SUCLG2: variants seen among roughly 807,000 people sequenced by gnomAD.
The protein encoded by SUCLG2 is succinate--CoA ligase [GDP-forming] subunit beta, mitochondrial.
Under a neutral mutation model 47.9 loss-of-function variants are expected in SUCLG2, and 42 were observed. That is an observed-to-expected ratio of 0.88 (90% confidence interval 0.69 to 1.14). SUCLG2 has a LOEUF of 1.14. Ranked by LOEUF, SUCLG2 falls within the 50% of genes most tolerant of loss-of-function variation. SUCLG2 has a pLI of 0.00. For missense variants in SUCLG2, 571 were observed against 525.9 expected, an observed-to-expected ratio of 1.09 and a Z score of -0.84; for synonymous variants, 195 against 197.3, an observed-to-expected ratio of 0.99 and a Z score of 0.10.
In SUCLG2 at chr3:67,498,126, C is replaced by T; in HGVS notation, c.919+8G>A. ...ACAAAGCATTCTTTTGATATAACTG[C>T]TTCTTACCAAAGCAGGCAATGTTCC... On this transcript the variant is annotated splice_region_variant and intron_variant, in intron 8 of 10. Coordinates refer to ENST00000307227, the MANE Select transcript of SUCLG2 (RefSeq NM_003848.4). 1 of 1,602,116 alleles carries T rather than the reference C, an allele frequency of 6.2e-7. No individual in the cohort carries two copies. Among genetic ancestry groups the T allele is most frequent in the South Asian group, 1.1e-5 (1 of 89,218 alleles).
At chr3:67,528,904 T>C (rs1706328404) in intron 3 of SUCLG2, among the ~76,000 whole-genome samples, 183 bp downstream of exon 3, 1 of 152,164 alleles carries the variant, frequency 6.6e-6, no homozygotes, top group Non-Finnish European at 1.5e-5. Context: ...AAAAATCATT[T>C]TGTGGGGGCA....
chr3:67,432,203 C>T (rs1228724950), intron 9 of SUCLG2, among the ~76,000 whole-genome samples: 2 of 152,150 alleles, frequency 1.3e-5, no homozygotes, highest in Admixed American at 6.5e-5. Flanking sequence ...ACTTTTAAAC[C>T]CAGCAACAGT....
At chr3:67,527,283 G>A (rs965097334) in intron 4 of SUCLG2, among the ~76,000 whole-genome samples, 3 of 152,162 alleles carry the variant, frequency 2.0e-5, no homozygotes, top group African/African-American at 7.2e-5. Context: ...CCAAAATGCA[G>A]GACCCTAATT....
chr3:67,619,434 A>G (rs1700690854), intron 1 of SUCLG2, among the ~76,000 whole-genome samples: 1 of 152,204 alleles, frequency 6.6e-6, no homozygotes, highest in African/African-American at 2.4e-5. Context: ...TTAACTAGGC[A>G]GTGCTGGTGT....
intron 9 of SUCLG2, among the ~76,000 whole-genome samples, chr3:67,442,561 T>C (rs996622322): frequency 6.6e-6 from 1 of 152,232 alleles, no homozygotes; most frequent in Non-Finnish European, 1.5e-5. Context: ...GTGGCTGTCC[T>C]AGAGCTTTGT....
intron 9 of SUCLG2, among the ~76,000 whole-genome samples, chr3:67,480,881 A>G (rs534843442): frequency 2.1e-4 from 32 of 152,336 alleles, no homozygotes; most frequent in Non-Finnish European, 4.3e-4. Context: ...AGCATCACCA[A>G]GGTCAAGGAA....
At chr3:67,362,956 GCTTGACTTCTAAAACCACAT>G (rs1701825941) in intron 10 of SUCLG2, among the ~76,000 whole-genome samples, 1 of 152,106 alleles carries the variant, frequency 6.6e-6, no homozygotes, top group African/African-American at 2.4e-5. Context: ...TGGGGCCTAG[GCTTGACTTCTAAAACCACAT>G]CTTTGCCAGG....
At chr3:67,583,327 C>T (rs567286236) in intron 2 of SUCLG2, among the ~76,000 whole-genome samples, 3 of 152,314 alleles carry the variant, frequency 2.0e-5, no homozygotes, top group Non-Finnish European at 4.4e-5. Flanking sequence ...CCTCACTGGT[C>T]TCCTGCTTCT....
At position 67,541,409 on chromosome 3, in the gene SUCLG2, G is replaced by C. The variant is rs377561493; in HGVS notation, c.227-12223C>G. Among the ~76,000 whole-genome samples, 12 of 152,174 alleles carry C rather than the reference G, an allele frequency of 7.9e-5. No individual in the cohort carries two copies. In the South Asian group the frequency reaches 2.5e-3, roughly 32 times the overall value. On this transcript the variant is annotated intron_variant, in intron 2 of 10. Coordinates refer to ENST00000307227, the MANE Select transcript of SUCLG2 (RefSeq NM_003848.4). ...ATACACAAGTATCAATAGCTAGATC[G>C]ATCAAGTGGAAGAAAGGATATCAGA...
chr3:67,504,836 G>A (rs185047207), intron 7 of SUCLG2, among the ~76,000 whole-genome samples: 1 of 152,272 alleles, frequency 6.6e-6, no homozygotes, highest in Admixed American at 6.5e-5. Flanking sequence ...ATGAATGAAT[G>A]AATACATGAA....
At chr3:67,559,241 T>C (rs1707242643) in intron 2 of SUCLG2, among the ~76,000 whole-genome samples, 1 of 152,148 alleles carries the variant, frequency 6.6e-6, no homozygotes, top group African/African-American at 2.4e-5. Context: ...TCGATTGTAG[T>C]ATGAACGAGT....
At chr3:67,367,855 T>C (rs1173347560) in intron 10 of SUCLG2, among the ~76,000 whole-genome samples, 1 of 152,220 alleles carries the variant, frequency 6.6e-6, no homozygotes, top group Non-Finnish European at 1.5e-5. Flanking sequence ...TATACAGATA[T>C]GTATCCAAGT....
At chr3:67,395,553 C>T (rs1702504897) in intron 10 of SUCLG2, among the ~76,000 whole-genome samples, 2 of 152,116 alleles carry the variant, frequency 1.3e-5, no homozygotes, top group South Asian at 4.1e-4. Flanking sequence ...AAGAGACTTA[C>T]TCCCACACAA....
intron 9 of SUCLG2, among the ~76,000 whole-genome samples, chr3:67,429,070 G>A (rs998000356): frequency 2.6e-5 from 4 of 152,144 alleles, no homozygotes; most frequent in African/African-American, 9.7e-5. Context: ...AGCAAGGCAG[G>A]CCAACATTCA....
intron 1 of SUCLG2, among the ~76,000 whole-genome samples, chr3:67,611,241 T>C (rs1401768541): frequency 2.6e-5 from 4 of 152,190 alleles, no homozygotes; most frequent in Admixed American, 6.5e-5. Flanking sequence ...GTAATGATGG[T>C]TTGGTTTTGC....
intron 10 of SUCLG2, among the ~76,000 whole-genome samples, chr3:67,380,458 C>T (rs1702132308): frequency 6.6e-6 from 1 of 152,156 alleles, no homozygotes; most frequent in South Asian, 2.1e-4. Context: ...TGTGAAAATG[C>T]CTAATTGCTT....
intron 7 of SUCLG2, among the ~76,000 whole-genome samples, chr3:67,499,354 A>C (rs974143208): frequency 6.6e-6 from 1 of 152,128 alleles, no homozygotes; most frequent in African/African-American, 2.4e-5. Context: ...ACAATCCTTA[A>C]AACAAGGGCC....
At chr3:67,420,411 C>A (rs1249631304) in intron 9 of SUCLG2, among the ~76,000 whole-genome samples, 1 of 152,014 alleles carries the variant, frequency 6.6e-6, no homozygotes, top group African/African-American at 2.4e-5. Context: ...TGTATATTGG[C>A]AAATTATATT....
At chr3:67,594,111 C>T (rs552913058) in intron 2 of SUCLG2, among the ~76,000 whole-genome samples, 3 of 152,310 alleles carry the variant, frequency 2.0e-5, no homozygotes, top group African/African-American at 7.2e-5. Context: ...AGTTTGCAGC[C>T]AAGCCCAGAG....
Sources: allele counts gnomAD v4.1 joint callset (sites outside exome capture counted in the v4.1 genomes callset), GRCh38; gene constraint gnomAD v4.1.1; transcripts MANE v1.5; gene names NCBI Gene and HGNC (gene_info 2026-07-23, HGNC 2026-07-21).